The following ZNF423 variants were observed in gnomAD, a reference collection of about 807,000 sequenced individuals.
ZNF423 encodes zinc finger protein 423.
Under a neutral mutation model 95.8 loss-of-function variants are expected in ZNF423, and 12 were observed. That is an observed-to-expected ratio of 0.13 (90% confidence interval 0.08 to 0.20). The LOEUF (loss-of-function observed/expected upper bound fraction) is 0.20. Among genes scored for constraint, ZNF423 ranks in the 10% least tolerant of loss-of-function variants. The probability of loss-of-function intolerance (pLI) is 1.00; values close to 1 mark genes in which losing one functional copy is unlikely to be tolerated. For synonymous variants in ZNF423, 749 were observed against 711.9 expected (o/e 1.05, Z -0.83); for missense variants, 1,316 against 1,737.1 (o/e 0.76, Z 4.31).
At chr16:49,691,020 T>C (rs1377703791) in intron 3 of ZNF423, among the ~76,000 whole-genome samples, 1 of 152,188 alleles carries the variant, frequency 6.6e-6, no homozygotes, top group Non-Finnish European at 1.5e-5. Flanking sequence ...GGCCCAGGCA[T>C]CTGACCAGAG....
At chr16:49,497,743 A>G (rs1392779150) in intron 7 of ZNF423, among the ~76,000 whole-genome samples, 1 of 152,208 alleles carries the variant, frequency 6.6e-6, no homozygotes, top group Non-Finnish European at 1.5e-5. Context: ...CAAGCCCGAG[A>G]ATGCACCTTA....
intron 3 of ZNF423, among the ~76,000 whole-genome samples, chr16:49,664,474 G>A (rs1320597439): frequency 6.6e-6 from 1 of 152,216 alleles, no homozygotes; most frequent in Non-Finnish European, 1.5e-5. Flanking sequence ...GGGCGACCGA[G>A]GAGTTCTGGC....
At chr16:49,707,596 G>A (rs2032396087) in intron 3 of ZNF423, among the ~76,000 whole-genome samples, 2 of 140,000 alleles carry the variant, frequency 1.4e-5, no homozygotes, top group South Asian at 2.3e-4. Context: ...CAGCCTGGGC[G>A]ACAGAGTGAG....
intron 1 of ZNF423, among the ~76,000 whole-genome samples, chr16:49,841,068 G>C (rs1369823677): frequency 6.6e-6 from 1 of 152,190 alleles, no homozygotes; most frequent in African/African-American, 2.4e-5. Flanking sequence ...CCTTACCTGA[G>C]ATTTCCTCCT....
chr16:49,783,575 G>C (rs1449942084), intron 2 of ZNF423, among the ~76,000 whole-genome samples: 4 of 144,628 alleles, frequency 2.8e-5, no homozygotes, highest in African/African-American at 7.7e-5. Context: ...GTGGGAAAGA[G>C]GGGGGGTTAG....
chr16:49,527,147 C>T (rs1003794060), intron 5 of ZNF423, among the ~76,000 whole-genome samples: 4 of 152,248 alleles, frequency 2.6e-5, no homozygotes, highest in East Asian at 1.9e-4. Flanking sequence ...CCCGCACCCC[C>T]GGGCACCCCA....
intron 5 of ZNF423, among the ~76,000 whole-genome samples, chr16:49,554,900 G>A (rs931648659): frequency 3.3e-5 from 5 of 151,930 alleles, no homozygotes; most frequent in African/African-American, 9.7e-5. Flanking sequence ...GCTGGTGCTC[G>A]ACACATGTAG....
intron 3 of ZNF423, chr16:49,711,537 T>C (rs1317983936): frequency 7.2e-5 from 11 of 152,228 alleles, no homozygotes; most frequent in Admixed American, 7.2e-4. Flanking sequence ...TATATTTCAC[T>C]GAACGTAAGA....
At chr16:49,568,287 CCTGGAGGGG>C (rs1048086557) in intron 5 of ZNF423, among the ~76,000 whole-genome samples, 37 of 152,180 alleles carry the variant, frequency 2.4e-4, no homozygotes, top group African/African-American at 8.2e-4. Context: ...AGGATGTGGG[CCTGGAGGGG>C]CTGGTGGCCA....
chr16:49,689,098 G>A (rs1404678399), intron 3 of ZNF423, among the ~76,000 whole-genome samples: 1 of 152,138 alleles, frequency 6.6e-6, no homozygotes, highest in Non-Finnish European at 1.5e-5. Flanking sequence ...CTACTGATGT[G>A]TTGATTCATG....
intron 7 of ZNF423, among the ~76,000 whole-genome samples, chr16:49,521,919 G>C (rs981542870): frequency 6.6e-6 from 1 of 152,240 alleles, no homozygotes; most frequent in African/African-American, 2.4e-5. Flanking sequence ...GCCACCACCA[G>C]CTGTGCAGAC....
At chr16:49,700,579 T>A (rs2032145714) in intron 3 of ZNF423, among the ~76,000 whole-genome samples, 2 of 152,200 alleles carry the variant, frequency 1.3e-5, no homozygotes, top group South Asian at 2.1e-4. Context: ...AGGAAAGGGA[T>A]CCTGCAACTC....
At chr16:49,562,822 A>G (rs1177057789) in intron 5 of ZNF423, among the ~76,000 whole-genome samples, 1 of 152,010 alleles carries the variant, frequency 6.6e-6, no homozygotes, top group Non-Finnish European at 1.5e-5. Flanking sequence ...CTCTGTCGTC[A>G]GGCTGGAGTG....
intron 1 of ZNF423, among the ~76,000 whole-genome samples, chr16:49,794,038 T>TCTCTCTCA (rs2034459008): frequency 6.7e-6 from 1 of 149,966 alleles, no homozygotes; most frequent in East Asian, 1.9e-4. Context: ...TCTCTCTCTC[T>TCTCTCTCA]CTCTCTCTCG....
chr16:49,842,278 G>C (rs1353202856), intron 1 of ZNF423, among the ~76,000 whole-genome samples: 2 of 39,726 alleles, frequency 5.0e-5, no homozygotes, highest in Non-Finnish European at 5.5e-5. Context: ...GGAGGGGAGG[G>C]GAGGGGAGGG....
intron 3 of ZNF423, among the ~76,000 whole-genome samples, chr16:49,666,739 G>C (rs2030566005): frequency 6.6e-6 from 1 of 152,246 alleles, no homozygotes; most frequent in Admixed American, 6.5e-5. Flanking sequence ...GGGCCGCTGG[G>C]TGCACACCTG....
chr16:49,699,974 G>C (rs1181125783), intron 3 of ZNF423, among the ~76,000 whole-genome samples: 2 of 152,092 alleles, frequency 1.3e-5, no homozygotes, highest in East Asian at 3.9e-4. Context: ...CAGCCTCCCT[G>C]GGGAGTCTGC....
At chr16:49,718,377 G>C (rs2032769225) in intron 3 of ZNF423, among the ~76,000 whole-genome samples, 1 of 152,182 alleles carries the variant, frequency 6.6e-6, no homozygotes, top group Non-Finnish European at 1.5e-5. Context: ...CTGCACTCCA[G>C]TCTGGGTGAC....
rs2032400213 is a variant in ZNF423 at position 49,707,675 on chromosome 16, A to G, written c.301+23096T>C. On this transcript the variant is annotated intron_variant, in intron 3 of 7. Coordinates refer to ENST00000563137, the MANE Select transcript of ZNF423 (RefSeq NM_001379286.1). ...CTCATAATTCAAAATAAAAAACACT[A>G]AATTATAAAATAACTATAAAGAAGC... Among the ~76,000 whole-genome samples the G allele has an allele frequency of 2.0e-5, 3 of 151,990 alleles. No homozygotes were observed. The South Asian group carries it at 6.2e-4, about 32-fold the overall frequency.
Sources: allele counts gnomAD v4.1 joint callset (sites outside exome capture counted in the v4.1 genomes callset), GRCh38; gene constraint gnomAD v4.1.1; transcripts MANE v1.5; gene names NCBI Gene and HGNC (gene_info 2026-07-23, HGNC 2026-07-21).